KANSL3: variants seen among roughly 807,000 people sequenced by gnomAD.
The protein encoded by KANSL3 is NSL complex protein NSL3.
KANSL3 carries 16 observed loss-of-function variants against 89.2 expected under a neutral mutation model. The ratio of observed to expected loss-of-function variants is 0.18; its 90% CI spans 0.12 to 0.27. The LOEUF (loss-of-function observed/expected upper bound fraction) is 0.27. KANSL3 is among the 10% of genes least tolerant of loss of function. The pLI, the probability that KANSL3 is intolerant of heterozygous loss-of-function variation, is 1.00. For synonymous variants in KANSL3, 385 were observed against 419.7 expected, an observed-to-expected ratio of 0.92 and a Z score of 1.01; for missense variants, 879 against 1,110.6, an observed-to-expected ratio of 0.79 and a Z score of 2.96.
At chr2:96,633,860 G>A (rs1201390291) in intron 2 of KANSL3, among the ~76,000 whole-genome samples, 3 of 152,018 alleles carry the variant, frequency 2.0e-5, no homozygotes, top group Non-Finnish European at 2.9e-5. Context: ...GCAAGACTCC[G>A]TCTCAAAAAA....
In KANSL3 at chr2:96,608,975, C is replaced by T; in HGVS notation, c.1473G>A (p.Lys491=). ...TGCGGGCCACATCGCGGGGCTTCTT[C>T]TTCTTCTCAGCATCCTGATCCCGAG... ...SEPRDQDAEK[K]KKPRDVARRD... is the part of the protein sequence containing the mutation. The change falls in exon 13 of 21, where the codon AAG becomes AAA. Residue 491 remains lysine (K), a synonymous_variant. Transcript: ENST00000431828. 6.4e-7 allele frequency: 1 copy of T among 1,562,998 alleles called. No individual in the cohort carries two copies. Among genetic ancestry groups the T allele is most frequent in the East Asian group, 2.4e-5 (1 of 41,994 alleles).
chr2:96,591,469 G>T (rs1003667556), downstream of KANSL3, among the ~76,000 whole-genome samples: 3 of 152,134 alleles, frequency 2.0e-5, no homozygotes, highest in Admixed American at 2.0e-4. Context: ...CCAACTTCCT[G>T]GTTTTAATTT....
chr2:96,608,818 T>C lies in KANSL3; in HGVS notation c.1584+46A>G, dbSNP rs1264223304. On this transcript the variant is annotated intron_variant, in intron 13 of 20. Coordinates refer to ENST00000431828, the MANE Select transcript of KANSL3 (RefSeq NM_001115016.3). ...CCAGGAAATTAAGGAACCAACTCTG[T>C]GGTGCTGATTCCCCAGCAAAAGCGC... The C allele has an allele frequency of 4.6e-6, 7 of 1,519,380 alleles. No individual in the cohort carries two copies. In the East Asian group the frequency reaches 1.2e-4, roughly 26 times the overall value. 94.1% of individuals were successfully genotyped at this position (1,519,380 alleles called of 1,614,324 possible). A position where few individuals can be genotyped will look rare whatever the true frequency, so the allele number is the denominator to read the frequency against.
intron 12 of KANSL3, 37 bp from the exon 13 acceptor site, chr2:96,609,101 C>T (rs1383675211): frequency 2.6e-6 from 4 of 1,522,304 alleles, no homozygotes; most frequent in Non-Finnish European, 3.6e-6. Context: ...CCTTTTAGTC[C>T]TCATCTGGAG....
chr2:96,625,512 C>T (rs897374868), intron 3 of KANSL3, among the ~76,000 whole-genome samples: 39 of 152,268 alleles, frequency 2.6e-4, no homozygotes, highest in African/African-American at 8.7e-4. Flanking sequence ...GTTTTTATTA[C>T]ATAATGATGC....
At chr2:96,612,191 G>T in intron 9 of KANSL3, 91 bp downstream of exon 9, 1 of 885,582 alleles carries the variant, frequency 1.1e-6, no homozygotes, top group Non-Finnish European at 1.9e-6. Flanking sequence ...ATCTAGCGCA[G>T]AGCCTGACAC....
intron 2 of KANSL3, among the ~76,000 whole-genome samples, chr2:96,633,568 CA>C (rs749429125): frequency 0.031 from 3,010 of 96,410 alleles, 27 homozygotes; most frequent in Admixed American, 0.06. Context: ...GACTCTGTCT[CA>C]AAAAAAAAAA....
At chr2:96,581,865 T>G in the KANSL3 span, among the ~76,000 whole-genome samples, 3 of 152,238 alleles carry the variant, frequency 2.0e-5, no homozygotes, top group Non-Finnish European at 4.4e-5. Context: ...ATCCTATCAC[T>G]GAGGCTCAAG....
chr2:96,610,585 G>C, intron 11 of KANSL3, 141 bp downstream of exon 11: 1 of 823,706 alleles, frequency 1.2e-6, no homozygotes, highest in South Asian at 1.8e-5. Context: ...AAAGTCCTGG[G>C]ATTACAGGCG....
At chr2:96,605,221 A>C in intron 15 of KANSL3, 99 bp downstream of exon 15, 1 of 1,112,172 alleles carries the variant, frequency 9.0e-7, no homozygotes, top group Non-Finnish European at 1.3e-6. Context: ...ATCTCTCAAA[A>C]TAAAGCAAAG....
At chr2:96,622,528 T>C (rs2071505028) in intron 3 of KANSL3, among the ~76,000 whole-genome samples, 1 of 152,164 alleles carries the variant, frequency 6.6e-6, no homozygotes, top group African/African-American at 2.4e-5. Context: ...AAAAGAACTC[T>C]CTCTGTATTC....
intron 3 of KANSL3, among the ~76,000 whole-genome samples, chr2:96,620,876 C>T (rs772788006): frequency 6.6e-6 from 1 of 152,070 alleles, no homozygotes; most frequent in Non-Finnish European, 1.5e-5. Flanking sequence ...GTGGTGCGTG[C>T]CTGTAGCCCC....
In KANSL3 at chr2:96,629,081, T is replaced by TCCAA. The variant is rs1317817431; in HGVS notation, c.386+2227_386+2230dup. Among the ~76,000 whole-genome samples the TCCAA allele has an allele frequency of 3.3e-5, 5 of 152,242 alleles. 1 individual carries two copies. The highest frequency in any genetic ancestry group is 6.8e-3 in the Middle Eastern group (2 of 294). On this transcript the variant is annotated intron_variant, in intron 3 of 20. Coordinates refer to ENST00000431828, the MANE Select transcript of KANSL3 (RefSeq NM_001115016.3). ...AGCAGAGATGAAGGGGGGATATACC[T>TCCAA]CCAAGAGTCATTGGGAGGATTAAGA...
chr2:96,620,078 T>C (rs2070958703), intron 3 of KANSL3, among the ~76,000 whole-genome samples: 1 of 152,220 alleles, frequency 6.6e-6, no homozygotes, highest in Non-Finnish European at 1.5e-5. Flanking sequence ...ACTTAGTAGC[T>C]AAAATTATTC....
rs1240577782 is a variant in KANSL3, at chr2:96,612,882, C to G, written c.848G>C (p.Ser283Thr). Residue 283 changes from serine (S) to threonine (T), a missense_variant, in exon 7 of 21, where the codon AGC (serine) becomes ACC (threonine). Physicochemically the swap from Ser to Thr is moderately conservative, Grantham distance 58 (BLOSUM62 1). Around this residue, in one of 6 missense-constraint regions of KANSL3, gnomAD observed 198 missense variants for 260.3 expected, o/e 0.76. Transcript: ENST00000431828. The part of the protein sequence containing the change: ...LILIASSGPS[S>T]SVFPTSRRHR... Reference sequence around the variant, plus strand: ...GCGGCGTGAAGTGGGAAACACAGAGCTGGAGGGACCAGAGGAGGCGATGAG... The same window carrying G: ...GCGGCGTGAAGTGGGAAACACAGAGGTGGAGGGACCAGAGGAGGCGATGAG... 1.3e-6 allele frequency: 2 copies of G among 1,572,136 alleles called. No homozygotes were observed. Among genetic ancestry groups the G allele is most frequent in the Non-Finnish European group, 1.7e-6 (2 of 1,158,920 alleles).
At chr2:96,601,959 C>T (rs1573303898) in intron 19 of KANSL3, 157 bp downstream of exon 19, 2 of 1,194,918 alleles carry the variant, frequency 1.7e-6, no homozygotes, top group African/African-American at 1.5e-5. Context: ...TTCTCTCAAC[C>T]TCTCTGGGGG....
intron 2 of KANSL3, among the ~76,000 whole-genome samples, chr2:96,632,072 C>T (rs1442684655): frequency 6.6e-6 from 1 of 151,722 alleles, no homozygotes; most frequent in Non-Finnish European, 1.5e-5. Context: ...ATGACAAATA[C>T]AGCCAGACAC....
intron 20 of KANSL3, among the ~76,000 whole-genome samples, chr2:96,597,823 G>A (rs1340283802): frequency 1.3e-5 from 2 of 152,006 alleles, no homozygotes; most frequent in African/African-American, 4.8e-5. Context: ...AGATGGTTTC[G>A]ATCTCTTGAC....
At chr2:96,619,643 C>A (rs776236832) in intron 4 of KANSL3, 29 bp downstream of exon 4, 20 of 1,586,736 alleles carry the variant, frequency 1.3e-5, no homozygotes, top group Non-Finnish European at 1.4e-5. Flanking sequence ...TACGAAGAGC[C>A]CACTGTGGGC....
Sources: allele counts gnomAD v4.1 joint callset (sites outside exome capture counted in the v4.1 genomes callset), GRCh38; gene constraint gnomAD v4.1.1; regional missense constraint gnomAD v4.1.1; transcripts MANE v1.5; gene names NCBI Gene and HGNC (gene_info 2026-07-23, HGNC 2026-07-21).